The following ABCA1 variants were observed in gnomAD, a reference collection of about 807,000 sequenced individuals.
ABCA1 encodes the protein ATP binding cassette subfamily A member 1.
In ABCA1, 133 loss-of-function variants were observed where a neutral mutation model predicts 262.5. That is an observed-to-expected ratio of 0.51 (90% CI 0.44 to 0.59). The LOEUF (loss-of-function observed/expected upper bound fraction) is 0.59, where lower values mean the gene tolerates loss of function less well. Among genes scored for constraint, ABCA1 ranks in the 20% least tolerant of loss-of-function variants. ABCA1 has a pLI of 0.00. For synonymous variants in ABCA1, 1,022 were observed against 1,043.5 expected (o/e 0.98, Z 0.40); for missense variants, 2,452 against 2,777.5 (o/e 0.88, Z 2.63).
In ABCA1 at chr9:104,831,073, G is replaced by A; in HGVS notation, c.1744C>T (p.Pro582Ser). ...GYWDPGPRAD[P>S]FEDMRYVWGG... ...CAGACGTACCGCATGTCCTCAAAGGGGTCAGCTCGAGGACCAGGGTCCCAG... is the reference window on the plus strand; with the variant it reads ...CAGACGTACCGCATGTCCTCAAAGGAGTCAGCTCGAGGACCAGGGTCCCAG... The change falls in exon 14 of 50, where the codon CCC becomes TCC. Residue 582 changes from proline to serine, a missense_variant. Coordinates refer to ENST00000374736, the MANE Select transcript of ABCA1 (RefSeq NM_005502.4). The A allele has an allele frequency of 6.2e-7, 1 of 1,611,752 alleles. No individual in the cohort carries two copies. Among genetic ancestry groups the A allele is most frequent in the South Asian group, 1.1e-5 (1 of 90,946 alleles).
intron 1 of ABCA1, among the ~76,000 whole-genome samples, chr9:104,915,881 A>G (rs922083629): frequency 6.6e-6 from 1 of 152,192 alleles, no homozygotes; most frequent in Non-Finnish European, 1.5e-5. Context: ...CTAGAATTGG[A>G]CAATGTCCCA....
At chr9:104,884,661 T>C in intron 3 of ABCA1, 93 bp from the exon 4 acceptor site, 1 of 1,455,086 alleles carries the variant, frequency 6.9e-7, no homozygotes, top group Non-Finnish European at 9.6e-7. Context: ...TCATGCCAAG[T>C]CTGTCCGTCC....
intron 3 of ABCA1, among the ~76,000 whole-genome samples, chr9:104,884,827 G>C (rs1217644316): frequency 2.0e-5 from 3 of 152,178 alleles, no homozygotes; most frequent in Non-Finnish European, 4.4e-5. Context: ...GTCCTAAGCA[G>C]AAAGTCCCTG....
chr9:104,826,131 G>A (rs1041100632), intron 16 of ABCA1, among the ~76,000 whole-genome samples: 1 of 152,198 alleles, frequency 6.6e-6, no homozygotes, highest in Non-Finnish European at 1.5e-5. Flanking sequence ...ATACAGTGAA[G>A]CATAAAACTT....
At chr9:104,788,633 C>A in intron 44 of ABCA1, 66 bp from the exon 45 acceptor site, 1 of 1,566,338 alleles carries the variant, frequency 6.4e-7, no homozygotes, top group East Asian at 2.2e-5. Flanking sequence ...GACAATCTGG[C>A]CTAATGTTCC....
intron 9 of ABCA1, 148 bp downstream of exon 9, chr9:104,840,131 C>T: frequency 7.3e-7 from 1 of 1,361,446 alleles, no homozygotes; most frequent in South Asian, 1.3e-5. Flanking sequence ...AGAGAAGCCT[C>T]TCTCCTCTAG....
chr9:104,831,155 A>T, intron 13 of ABCA1, 54 bp from the exon 14 acceptor site: 3 of 1,426,502 alleles, frequency 2.1e-6, no homozygotes, highest in Non-Finnish European at 1.9e-6. Flanking sequence ...ACAATAAAAA[A>T]AAAAAAAAAA....
At chr9:104,797,157 C>A (rs1829971069) in intron 37 of ABCA1, among the ~76,000 whole-genome samples, 1 of 152,132 alleles carries the variant, frequency 6.6e-6, no homozygotes, top group South Asian at 2.1e-4. Context: ...ACAGATAATA[C>A]CCAGGAAGAC....
At chr9:104,862,238 G>A (rs1836480537) in intron 5 of ABCA1, among the ~76,000 whole-genome samples, 2 of 151,838 alleles carry the variant, frequency 1.3e-5, no homozygotes, top group South Asian at 4.2e-4. Context: ...CGAGTAGCTG[G>A]GATTACAGGT....
At chr9:104,841,381 A>G (rs1834358871) in intron 8 of ABCA1, among the ~76,000 whole-genome samples, 1 of 152,076 alleles carries the variant, frequency 6.6e-6, no homozygotes, top group Non-Finnish European at 1.5e-5. Flanking sequence ...CAGAGGTTGC[A>G]GTGAGCCAAG....
intron 11 of ABCA1, 133 bp downstream of exon 11, chr9:104,836,847 A>G: frequency 2.7e-6 from 2 of 740,100 alleles, no homozygotes; most frequent in South Asian, 1.5e-5. Context: ...CTGTGACTTT[A>G]GCTATGCTCA....
intron 7 of ABCA1, chr9:104,855,603 G>T: frequency 1.5e-6 from 2 of 1,377,950 alleles, no homozygotes; most frequent in Non-Finnish European, 9.6e-7. Flanking sequence ...CCTATTGTGT[G>T]CCAGGCCCCA....
chr9:104,829,350 C>T (rs1833059552), intron 14 of ABCA1, among the ~76,000 whole-genome samples: 1 of 152,194 alleles, frequency 6.6e-6, no homozygotes, highest in South Asian at 2.1e-4. Context: ...TGTTGCCAAA[C>T]CAAATTTCTT....
chr9:104,829,443 C>CA (rs1446000433), intron 14 of ABCA1, among the ~76,000 whole-genome samples: 1 of 151,950 alleles, frequency 6.6e-6, no homozygotes, highest in African/African-American at 2.4e-5. Flanking sequence ...AAAACCAAAA[C>CA]AAAAAAACAA....
At chr9:104,806,587 C>A (rs1353296540) in intron 30 of ABCA1, among the ~76,000 whole-genome samples, 157 bp from the exon 31 acceptor site, 1 of 152,194 alleles carries the variant, frequency 6.6e-6, no homozygotes, top group Admixed American at 6.5e-5. Context: ...TGCTTGATCC[C>A]ACAACAGCCT....
chr9:104,848,923 A>G (rs1835135536), intron 7 of ABCA1, among the ~76,000 whole-genome samples: 1 of 152,152 alleles, frequency 6.6e-6, no homozygotes, highest in East Asian at 1.9e-4. Context: ...TGTCACACCA[A>G]TTAGATACAG....
rs377586077 is a variant in ABCA1, at chr9:104,870,889, G to C, written c.422-9089C>G. 3.7e-4 allele frequency among the ~76,000 whole-genome samples: 56 copies of C among 152,226 alleles called. 1 individual carries two copies. In the South Asian group the frequency reaches 0.011, roughly 30 times the overall value. On this transcript the variant is annotated intron_variant, in intron 5 of 49. Coordinates refer to ENST00000374736, the MANE Select transcript of ABCA1 (RefSeq NM_005502.4). ...GGGTCACAAGGTGCTCAGTGGGGGA[G>C]CTTCTGAGCCAGGAGAAGGAAATTC...
In ABCA1 at chr9:104,840,326, C is replaced by T; in HGVS notation, c.1007G>A (p.Gly336Asp). ...TTCAGCATCTTCCTCAGTGCCATTG[C>T]CTCCAAAGAGGGCTTTGTAGTTGTT... is the stretch of plus-strand genomic sequence containing the variant. ...EDNNYKALFG[G>D]NGTEEDAETF... Residue 336 changes from glycine (G) to aspartate (D), a missense_variant, in exon 9 of 50, where the codon GGC becomes GAC. By Grantham distance (94) the Gly-to-Asp change is moderately conservative (BLOSUM62 -1). Around this residue, in one of 4 missense-constraint regions of ABCA1, gnomAD observed 1,032 missense variants for 1,089.7 expected, o/e 0.95. Transcript: ENST00000374736. 3 of 1,614,168 alleles carry T rather than the reference C, an allele frequency of 1.9e-6. No individual in the cohort carries two copies. Among genetic ancestry groups the T allele is most frequent in the South Asian group, 1.1e-5 (1 of 91,080 alleles).
chr9:104,838,127 A>T (rs1443747891), intron 9 of ABCA1, among the ~76,000 whole-genome samples: 1 of 151,396 alleles, frequency 6.6e-6, no homozygotes, highest in Non-Finnish European at 1.5e-5. Flanking sequence ...GGAGTTCGAG[A>T]CCAGCCTGAC....
Sources: gnomAD v4.1 joint callset for allele counts (sites outside exome capture counted in the v4.1 genomes callset) on GRCh38, gnomAD v4.1.1 for gene constraint, gnomAD v4.1.1 regional missense constraint, MANE v1.5 for transcripts, NCBI Gene and HGNC (gene_info 2026-07-23, HGNC 2026-07-21) for gene names.